Variants in NXN observed in about 807,000 individuals in gnomAD.
The protein encoded by NXN is nucleoredoxin.
Under a neutral mutation model 48.6 loss-of-function variants are expected in NXN, and 16 were observed. The ratio of observed to expected loss-of-function variants is 0.33; its 90% CI spans 0.22 to 0.50. The LOEUF is 0.50. NXN is among the 20% of genes least tolerant of loss of function. The pLI, the probability that NXN is intolerant of heterozygous loss-of-function variation, is 0.98. For missense variants in NXN, 492 were observed against 605.5 expected (o/e 0.81, Z 1.97); for synonymous variants, 281 against 269.6 (o/e 1.04, Z -0.41).
At position 919,950 on chromosome 17, in the gene NXN, CCCCACCGGCACCCTTGGT is replaced by C. The variant is rs548228241; in HGVS notation, c.360+59351_360+59368del. Among the ~76,000 whole-genome samples, 289 of 152,206 alleles carry C rather than the reference CCCCACCGGCACCCTTGGT, an allele frequency of 1.9e-3. 2 individuals are homozygous for C. The highest frequency in any genetic ancestry group is 3.1e-3 in the Non-Finnish European group (213 of 68,022). On this transcript the variant is annotated intron_variant, in intron 1 of 7. Transcript: ENST00000336868. This position sits in a 1 kb window ranked among gnomAD's most constrained non-coding sequence, Gnocchi z 5.1. ...ACCTTCCATCTCTCTCTGCCTCAGC[CCCCACCGGCACCCTTGGT>C]GCCTTCATCACCCATCCAGAGCAAC...
intron 1 of NXN, among the ~76,000 whole-genome samples, chr17:857,169 CAG>C (rs2144767332): frequency 1.3e-5 from 2 of 152,332 alleles, no homozygotes; most frequent in South Asian, 4.1e-4. Context: ...CCAGTGGACT[CAG>C]TGTCTGGTGA....
intron 1 of NXN, among the ~76,000 whole-genome samples, chr17:943,723 G>T (rs1028164569): frequency 1.3e-5 from 2 of 151,790 alleles, no homozygotes; most frequent in Non-Finnish European, 2.9e-5. Context: ...GACTCGGGGG[G>T]CTGAGACAGG....
chr17:809,652 G>T (rs1477624509), intron 5 of NXN, among the ~76,000 whole-genome samples: 1 of 152,212 alleles, frequency 6.6e-6, no homozygotes, highest in African/African-American at 2.4e-5. Context: ...AGGAAAAGCA[G>T]GTTCTAGGAC....
chr17:862,746 G>C (rs1210595145), intron 1 of NXN, among the ~76,000 whole-genome samples: 1 of 152,182 alleles, frequency 6.6e-6, no homozygotes, highest in Non-Finnish European at 1.5e-5. Context: ...ATAACAGGAC[G>C]GAACTATGAT....
intron 1 of NXN, among the ~76,000 whole-genome samples, chr17:960,991 C>A: frequency 6.6e-6 from 1 of 151,780 alleles, no homozygotes. Context: ...TCACCGTGTT[C>A]GCCAGGATAG....
rs186085973 is a variant in NXN at position 835,116 on chromosome 17, G to A, written c.361-9038C>T. On this transcript the variant is annotated intron_variant, in intron 1 of 7. Coordinates refer to ENST00000336868, the MANE Select transcript of NXN (RefSeq NM_022463.5). ...AAGGTCAGGAGATCGAGACCATCCT[G>A]GCTAACATGGTGAAACCCTGTCTCT... 7.3e-5 allele frequency among the ~76,000 whole-genome samples: 11 copies of A among 151,370 alleles called. No homozygotes were observed. The East Asian group carries it at 2.0e-3, about 28-fold the overall frequency.
At chr17:907,048 C>T (rs2144911724) in intron 1 of NXN, among the ~76,000 whole-genome samples, 1 of 152,076 alleles carries the variant, frequency 6.6e-6, no homozygotes, top group Non-Finnish European at 1.5e-5. Flanking sequence ...CATCAACAGT[C>T]CCCTAGTACA....
chr17:849,010 G>A lies in NXN; in HGVS notation c.361-22932C>T, dbSNP rs2067895116. Among the ~76,000 whole-genome samples, 1 of 152,196 alleles carries A rather than the reference G, an allele frequency of 6.6e-6. No individual in the cohort carries two copies. The highest frequency in any genetic ancestry group is 2.4e-5 in the African/African-American group (1 of 41,446). ...AGGCATTTGTGCCAGACGGTATGGGGTCAGATCAAGACAAAGGTCTTCGCC... is the reference window on the plus strand; with the variant it reads ...AGGCATTTGTGCCAGACGGTATGGGATCAGATCAAGACAAAGGTCTTCGCC... On this transcript the variant is annotated intron_variant, in intron 1 of 7. Transcript: ENST00000336868. This position sits in a 1 kb window ranked among gnomAD's most constrained non-coding sequence, Gnocchi z 4.2.
In NXN at chr17:922,373, G is replaced by A. The variant is rs112236715; in HGVS notation, c.360+56946C>T. On this transcript the variant is annotated intron_variant, in intron 1 of 7. Coordinates refer to ENST00000336868, the MANE Select transcript of NXN (RefSeq NM_022463.5). ...GTAGGAGAATCACTTGAACCCGGGA[G>A]GCAGAGGTTGTGGTGAGCCAAGATC... is the stretch of plus-strand genomic sequence containing the variant. Among the ~76,000 whole-genome samples the A allele has an allele frequency of 4.2e-3, 632 of 152,194 alleles. 3 individuals are homozygous for A. Among genetic ancestry groups the A allele is most frequent in the Non-Finnish European group, 5.6e-3 (382 of 68,018 alleles).
At chr17:892,911 TCAG>T (rs2068438642) in intron 1 of NXN, among the ~76,000 whole-genome samples, 1 of 152,160 alleles carries the variant, frequency 6.6e-6, no homozygotes, top group Admixed American at 6.5e-5. Context: ...TACCAGCCCC[TCAG>T]TTGTAACAAA....
At chr17:806,164 G>C (rs1454068339) in intron 5 of NXN, among the ~76,000 whole-genome samples, 1 of 58,402 alleles carries the variant, frequency 1.7e-5, no homozygotes, top group Admixed American at 1.9e-4. Flanking sequence ...TGCAGCCCCC[G>C]CCGTCTGCAC....
chr17:950,467 C>T (rs1432071706), intron 1 of NXN, among the ~76,000 whole-genome samples: 2 of 151,360 alleles, frequency 1.3e-5, no homozygotes, highest in Non-Finnish European at 2.9e-5. Flanking sequence ...GGGGTGCAAA[C>T]GGCCGGGCCA....
At chr17:940,213 C>G (rs148333044) in intron 1 of NXN, among the ~76,000 whole-genome samples, 4,540 of 151,498 alleles carry the variant, frequency 0.03, 93 homozygotes, top group Middle Eastern at 0.079. Flanking sequence ...GAATTACAGG[C>G]ATGAGCCACT....
chr17:898,761 G>A (rs1367430645), intron 1 of NXN, among the ~76,000 whole-genome samples: 1 of 69,680 alleles, frequency 1.4e-5, no homozygotes, highest in African/African-American at 3.3e-5. Flanking sequence ...TGAGGTGGGA[G>A]GACTGCTTGA....
At chr17:827,920 A>G (rs1261662791) in intron 1 of NXN, among the ~76,000 whole-genome samples, 3 of 152,164 alleles carry the variant, frequency 2.0e-5, no homozygotes, top group South Asian at 2.1e-4. Flanking sequence ...GATCTGCCAC[A>G]CAATGCTGGG....
intron 1 of NXN, among the ~76,000 whole-genome samples, chr17:844,136 G>A (rs2067832174): frequency 1.3e-5 from 2 of 150,844 alleles, no homozygotes; most frequent in Admixed American, 6.6e-5. Context: ...GGAAGGTGGA[G>A]ACCAGGCCAT....
At chr17:964,529 C>G (rs2069279546) in intron 1 of NXN, among the ~76,000 whole-genome samples, 1 of 152,138 alleles carries the variant, frequency 6.6e-6, no homozygotes, top group South Asian at 2.1e-4. Flanking sequence ...GCAACGCATC[C>G]AAGGGTTGAA....
chr17:920,537 CCCA>C lies in NXN; in HGVS notation c.360+58779_360+58781del, dbSNP rs2068738111. The stretch of plus-strand genomic sequence containing the variant: ...GCTCACTCCAGCTCTGCAGCGTTCT[CCCA>C]GGCTCTCAACCCTCGACGCTCATCC... On this transcript the variant is annotated intron_variant, in intron 1 of 7. Transcript: ENST00000336868. This position sits in a 1 kb window ranked among gnomAD's most constrained non-coding sequence, Gnocchi z 4.6. Among the ~76,000 whole-genome samples, 1 of 152,082 alleles carries C rather than the reference CCCA, an allele frequency of 6.6e-6. No individual in the cohort carries two copies. Among genetic ancestry groups the C allele is most frequent in the African/African-American group, 2.4e-5 (1 of 41,410 alleles).
chr17:955,336 TTTTTA>T (rs2069154466), intron 1 of NXN, among the ~76,000 whole-genome samples: 1 of 151,266 alleles, frequency 6.6e-6, no homozygotes, highest in Non-Finnish European at 1.5e-5. Flanking sequence ...CCCTGCTAAT[TTTTTA>T]TTTTTTTTAG....
Sources: gnomAD v4.1 joint callset for allele counts (sites outside exome capture counted in the v4.1 genomes callset) on GRCh38, gnomAD v4.1.1 for gene constraint, Gnocchi (gnomAD v3.1) non-coding constraint, MANE v1.5 for transcripts, NCBI Gene and HGNC (gene_info 2026-07-23, HGNC 2026-07-21) for gene names.